The following LRRC4C variants were observed in gnomAD, a reference collection of about 807,000 sequenced individuals.
LRRC4C encodes leucine-rich repeat-containing protein 4C.
Under a neutral mutation model 33.6 loss-of-function variants are expected in LRRC4C, and 5 were observed. The ratio of observed to expected loss-of-function variants is 0.15; its 90% CI spans 0.08 to 0.31. The LOEUF (loss-of-function observed/expected upper bound fraction) is 0.31. Ranked by LOEUF, LRRC4C falls within the 10% of genes least tolerant of loss-of-function variation. The pLI is 1.00. For missense variants in LRRC4C, 560 were observed against 796.7 expected, an observed-to-expected ratio of 0.70 and a Z score of 3.58; for synonymous variants, 329 against 302.0, an observed-to-expected ratio of 1.09 and a Z score of -0.93.
Position 40,114,461 on chromosome 11 carries a change from A to G in LRRC4C, c.1832T>C (p.Val611Ala). The change falls in exon 7 of 7, where the codon GTT becomes GCT. Residue 611 changes from valine (V) to alanine (A), a missense_variant. Transcript: ENST00000528697. Reference sequence around the variant, plus strand: ...ACTGTGTATTGAATTTATTGTGTTAACTGTTGTTGTGTGGTTGAAGGGAGA... The same window carrying G: ...ACTGTGTATTGAATTTATTGTGTTAGCTGTTGTTGTGTGGTTGAAGGGAGA... The part of the protein sequence containing the change: ...YKSPFNHTTT[V>A]NTINSIHSSV... 6.2e-7 allele frequency: 1 copy of G among 1,614,088 alleles called. No homozygotes were observed. The highest frequency in any genetic ancestry group is 8.5e-7 in the Non-Finnish European group (1 of 1,180,020).
chr11:40,819,935 A>G (rs1420824585), intron 2 of LRRC4C, among the ~76,000 whole-genome samples: 1 of 152,092 alleles, frequency 6.6e-6, no homozygotes, highest in South Asian at 2.1e-4. Context: ...CAGCAACTAC[A>G]TACCAGAGGG....
At chr11:40,510,785 T>C (rs1423326183) in intron 3 of LRRC4C, among the ~76,000 whole-genome samples, 1 of 152,068 alleles carries the variant, frequency 6.6e-6, no homozygotes, top group African/African-American at 2.4e-5. Context: ...AGGAGTAGTA[T>C]ATAGAGAGTC....
intron 1 of LRRC4C, among the ~76,000 whole-genome samples, chr11:41,099,304 T>C (rs1941013676): frequency 2.0e-5 from 3 of 149,390 alleles, no homozygotes; most frequent in African/African-American, 7.5e-5. Flanking sequence ...TCCAAAAAAC[T>C]GAGAAAAAGT....
chr11:40,931,501 A>G (rs1409934501), intron 2 of LRRC4C, among the ~76,000 whole-genome samples: 1 of 152,034 alleles, frequency 6.6e-6, no homozygotes, highest in African/African-American at 2.4e-5. Flanking sequence ...ATGTTAGCTT[A>G]TAGGGGGTTA....
At chr11:40,527,089 A>G (rs996824040) in intron 3 of LRRC4C, among the ~76,000 whole-genome samples, 4 of 152,166 alleles carry the variant, frequency 2.6e-5, no homozygotes, top group Admixed American at 6.5e-5. Context: ...CCTGATAGAG[A>G]TCAATACAGT....
intron 3 of LRRC4C, among the ~76,000 whole-genome samples, chr11:40,419,809 C>T (rs1261218821): frequency 1.3e-5 from 2 of 152,164 alleles, no homozygotes; most frequent in Non-Finnish European, 2.9e-5. Context: ...CAGATGGGCA[C>T]TATGGTCCTA....
chr11:40,465,548 C>G (rs1273232663), intron 3 of LRRC4C, among the ~76,000 whole-genome samples: 1 of 151,792 alleles, frequency 6.6e-6, no homozygotes, highest in Non-Finnish European at 1.5e-5. Context: ...GCAAACTATG[C>G]CTTTAACAAA....
At chr11:40,136,433 CTT>C (rs566193838) in intron 6 of LRRC4C, among the ~76,000 whole-genome samples, 36 of 137,942 alleles carry the variant, frequency 2.6e-4, no homozygotes, top group African/African-American at 4.0e-4. Flanking sequence ...TGCCCGGCTA[CTT>C]TTTTTTTTTT....
At position 40,825,024 on chromosome 11, in the gene LRRC4C, A is replaced by T. The variant is rs533171801; in HGVS notation, c.-407+108611T>A. ...TTCAAGCTGAAAGAGAAGGGAACTG[A>T]TGTTTATCAGTTATCCACTAAGTAC... On this transcript the variant is annotated intron_variant, in intron 2 of 6. Coordinates refer to ENST00000528697, the MANE Select transcript of LRRC4C (RefSeq NM_001258419.2). 3.3e-5 allele frequency among the ~76,000 whole-genome samples: 5 copies of T among 152,096 alleles called. 1 individual carries two copies. The South Asian group carries it at 1.0e-3, about 31-fold the overall frequency.
chr11:40,676,544 CT>C (rs1198393166), intron 2 of LRRC4C, among the ~76,000 whole-genome samples: 1 of 152,140 alleles, frequency 6.6e-6, no homozygotes, highest in Non-Finnish European at 1.5e-5. Flanking sequence ...TACCTGCCTC[CT>C]TTTAATTTAT....
chr11:40,209,864 G>T (rs1863453317), intron 5 of LRRC4C, among the ~76,000 whole-genome samples: 1 of 152,118 alleles, frequency 6.6e-6, no homozygotes, highest in Non-Finnish European at 1.5e-5. Flanking sequence ...AGAAGTATTG[G>T]GTTGAAAACC....
In LRRC4C at chr11:40,436,026, A is replaced by T. The variant is rs138900686; in HGVS notation, c.-269-116305T>A. 4.6e-3 allele frequency among the ~76,000 whole-genome samples: 706 copies of T among 152,200 alleles called. 4 individuals are homozygous for T. The highest frequency in any genetic ancestry group is 0.012 in the South Asian group (56 of 4,820). ...CCTGAAACATTTTTTCCTCTACTTA[A>T]TTAAGTCCTATCCTTCTTTAATTTT... On this transcript the variant is annotated intron_variant, in intron 3 of 6. Coordinates refer to ENST00000528697, the MANE Select transcript of LRRC4C (RefSeq NM_001258419.2).
At chr11:40,482,459 T>G (rs564392858) in intron 3 of LRRC4C, among the ~76,000 whole-genome samples, 1 of 140,882 alleles carries the variant, frequency 7.1e-6, no homozygotes, top group Admixed American at 6.9e-5. Context: ...TTACAGGAAT[T>G]TTTTTTTTTT....
At chr11:40,589,407 C>T (rs1958927287) in intron 3 of LRRC4C, among the ~76,000 whole-genome samples, 1 of 152,112 alleles carries the variant, frequency 6.6e-6, no homozygotes, top group African/African-American at 2.4e-5. Context: ...ATACAGCACA[C>T]TGATGGGTCT....
chr11:41,391,912 T>C (rs1357376376), intron 1 of LRRC4C, among the ~76,000 whole-genome samples: 1 of 151,962 alleles, frequency 6.6e-6, no homozygotes, highest in Non-Finnish European at 1.5e-5. Context: ...ACTTGATTAT[T>C]TTATTTTATT....
rs570464698 is a variant in LRRC4C, at chr11:40,391,671, T to C, written c.-269-71950A>G. Reference sequence around the variant, plus strand: ...CAAATCTGCACTTGATAGATCATTATAGCATCACAATTTCCCTGTTTTTAC... The same window carrying C: ...CAAATCTGCACTTGATAGATCATTACAGCATCACAATTTCCCTGTTTTTAC... On this transcript the variant is annotated intron_variant, in intron 3 of 6. Transcript: ENST00000528697. Among the ~76,000 whole-genome samples, 4 of 152,314 alleles carry C rather than the reference T, an allele frequency of 2.6e-5. No individual in the cohort carries two copies. In the South Asian group the frequency reaches 6.2e-4, roughly 24 times the overall value.
intron 2 of LRRC4C, among the ~76,000 whole-genome samples, chr11:40,648,716 G>A (rs1459941359): frequency 1.3e-5 from 2 of 152,180 alleles, no homozygotes; most frequent in Non-Finnish European, 1.5e-5. Flanking sequence ...TTAAGATCTT[G>A]CTATCCACAC....
chr11:40,420,783 C>CT (rs1356777892), intron 3 of LRRC4C, among the ~76,000 whole-genome samples: 1 of 152,136 alleles, frequency 6.6e-6, no homozygotes, highest in African/African-American at 2.4e-5. Context: ...TGTTATTTTA[C>CT]TTTTTTGTTC....
chr11:40,531,500 G>C (rs2135313530), intron 3 of LRRC4C, among the ~76,000 whole-genome samples: 1 of 152,190 alleles, frequency 6.6e-6, no homozygotes, highest in African/African-American at 2.4e-5. Flanking sequence ...AAAGAATTAA[G>C]CAGATATAAA....
Sources: gnomAD v4.1 joint callset for allele counts (sites outside exome capture counted in the v4.1 genomes callset) on GRCh38, gnomAD v4.1.1 for gene constraint, MANE v1.5 for transcripts, NCBI Gene and HGNC (gene_info 2026-07-23, HGNC 2026-07-21) for gene names.